TIGD3: variants seen among roughly 807,000 people sequenced by gnomAD.
The protein encoded by TIGD3 is tigger transposable element-derived protein 3.
In TIGD3, 7 loss-of-function variants were observed where a neutral mutation model predicts 14.8. The observed-to-expected ratio is 0.47, with a 90% CI of 0.27 to 0.89. The LOEUF is 0.89. TIGD3 is among the 40% of genes least tolerant of loss of function. TIGD3 has a pLI of 0.13. For synonymous variants in TIGD3, 243 were observed against 269.4 expected (o/e 0.90, Z 0.96); for missense variants, 581 against 611.0 (o/e 0.95, Z 0.52).
Position 65,356,089 on chromosome 11 carries a change from C to T in TIGD3, c.281C>T (p.Ala94Val). 1 of 1,611,642 alleles carries T rather than the reference C, an allele frequency of 6.2e-7. No individual in the cohort carries two copies. Among genetic ancestry groups the T allele is most frequent in the African/African-American group, 1.3e-5 (1 of 75,074 alleles). The change falls in exon 2 of 2, where the codon GCC becomes GTC. Residue 94 changes from alanine to valine, a missense_variant. Ala to Val is a moderately conservative substitution (Grantham distance 64). Coordinates refer to ENST00000309880, the MANE Select transcript of TIGD3 (RefSeq NM_145719.3). The surrounding 1 kb of genome is among the most constrained non-coding windows in gnomAD (Gnocchi z 5.2). ...LCWYHIARAK[A>V]WDVTGPMLLH... ...TGGTACCACATTGCCCGGGCCAAGG[C>T]CTGGGACGTGACGGGGCCCATGCTG...
rs769958748 is a variant in TIGD3 at position 65,357,258 on chromosome 11, C to G, written c.*34C>G. Reference sequence around the variant, plus strand: ...TCACTGCTTGCCAGAGCCCCTTCCTCTCTTGTTTCCCATGGAAACGGCCTC... The same window carrying G: ...TCACTGCTTGCCAGAGCCCCTTCCTGTCTTGTTTCCCATGGAAACGGCCTC... On this transcript the variant is annotated 3_prime_UTR_variant, in exon 2 of 2. Coordinates refer to ENST00000309880, the MANE Select transcript of TIGD3 (RefSeq NM_145719.3). 1 of 1,596,420 alleles carries G rather than the reference C, an allele frequency of 6.3e-7. No homozygotes were observed. Among genetic ancestry groups the G allele is most frequent in the Admixed American group, 1.7e-5 (1 of 57,264 alleles).
chr11:65,356,490 A>G lies in TIGD3; in HGVS notation c.682A>G (p.Ser228Gly), dbSNP rs536474616. 1.9e-6 allele frequency: 3 copies of G among 1,606,724 alleles called. No homozygotes were observed. In the African/African-American group the frequency reaches 4.0e-5, roughly 21 times the overall value. ...AAPRCFFGIRSEALPASYHPD... is the reference protein window; with the variant it reads ...AAPRCFFGIRGEALPASYHPD... ...CCCGAGATGCTTCTTTGGGATCCGC[A>G]GTGAGGCTCTGCCTGCCTCCTACCA... Residue 228 changes from serine to glycine, a missense_variant, in exon 2 of 2, where the codon AGT becomes GGT. Coordinates refer to ENST00000309880, the MANE Select transcript of TIGD3 (RefSeq NM_145719.3). The surrounding 1 kb of genome is among the most constrained non-coding windows in gnomAD (Gnocchi z 5.2).
intron 1 of TIGD3, among the ~76,000 whole-genome samples, chr11:65,355,386 G>T (rs1047182881): frequency 3.3e-5 from 2 of 60,742 alleles, no homozygotes; most frequent in Non-Finnish European, 6.0e-5. Flanking sequence ...TCTGAATCCA[G>T]CCCAAGCCGC....
At position 65,357,260 on chromosome 11, in the gene TIGD3, CTT is replaced by C. The variant is rs766439515; in HGVS notation, c.*37_*38del. On this transcript the variant is annotated 3_prime_UTR_variant, in exon 2 of 2. Coordinates refer to ENST00000309880, the MANE Select transcript of TIGD3 (RefSeq NM_145719.3). ...ACTGCTTGCCAGAGCCCCTTCCTCT[CTT>C]GTTTCCCATGGAAACGGCCTCTTCA... 1.5e-5 allele frequency: 24 copies of C among 1,594,904 alleles called. No homozygotes were observed. The African/African-American group carries it at 1.9e-4, about 13-fold the overall frequency.
Position 65,356,366 on chromosome 11 carries a change from C to T in TIGD3, c.558C>T (p.Pro186=), listed in dbSNP as rs368003412. 9.3e-6 allele frequency: 15 copies of T among 1,611,344 alleles called. No individual in the cohort carries two copies. In the South Asian group the frequency reaches 1.3e-4, roughly 14 times the overall value. The change falls in exon 2 of 2, where the codon CCC becomes CCT. Residue 186 remains proline, a synonymous_variant. Transcript: ENST00000309880. This position sits in a 1 kb window ranked among gnomAD's most constrained non-coding sequence, Gnocchi z 5.2. ...AELPLLYRAV[P]GSFGACDQVQ... ...TGCCCTTGCTGTATCGGGCAGTGCC[C>T]GGCAGCTTTGGTGCATGTGATCAAG... is the stretch of plus-strand genomic sequence containing the variant.
At position 65,356,913 on chromosome 11, in the gene TIGD3, A is replaced by C. The variant is rs770038923; in HGVS notation, c.1105A>C (p.Lys369Gln). Residue 369 changes from lysine to glutamine, a missense_variant, in exon 2 of 2, where the codon AAA becomes CAA. Physicochemically the swap from Lys to Gln is moderately conservative, Grantham distance 53. Transcript: ENST00000309880. This position sits in a 1 kb window ranked among gnomAD's most constrained non-coding sequence, Gnocchi z 5.2. ...CATTCAAGAAGGGCTGGCTCCCGGC[A>C]AAACGCCCCCGTCCTCGCACAAAAC... The part of the protein sequence containing the change: ...SFIQEGLAPG[K>Q]TPPSSHKTSE... The C allele has an allele frequency of 6.2e-7, 1 of 1,614,040 alleles. No individual in the cohort carries two copies. The highest frequency in any genetic ancestry group is 8.5e-7 in the Non-Finnish European group (1 of 1,180,026).
chr11:65,357,422 G>A lies in TIGD3; in HGVS notation c.*198G>A, dbSNP rs1472326464. ...CCCCAGGAAGAGAGCTCTAAAGATG[G>A]GGCTTCGGGGGTAGGAATCCAGGAT... On this transcript the variant is annotated 3_prime_UTR_variant, in exon 2 of 2. Transcript: ENST00000309880. 3.4e-6 allele frequency: 2 copies of A among 583,494 alleles called. No homozygotes were observed. Among genetic ancestry groups the A allele is most frequent in the Admixed American group, 3.3e-5 (1 of 30,376 alleles). 36.1% of individuals were successfully genotyped at this position (583,494 alleles called of 1,614,324 possible).
rs1034235374 is a variant in TIGD3 at position 65,356,616 on chromosome 11, G to A, written c.808G>A (p.Val270Met). The A allele has an allele frequency of 6.2e-7, 1 of 1,611,802 alleles. No homozygotes were observed. Among genetic ancestry groups the A allele is most frequent in the Non-Finnish European group, 8.5e-7 (1 of 1,179,976 alleles). The change falls in exon 2 of 2, where the codon GTG (valine) becomes ATG (methionine). Residue 270 changes from valine to methionine, a missense_variant. By Grantham distance (21) the Val-to-Met change is conservative (BLOSUM62 1). Coordinates refer to ENST00000309880, the MANE Select transcript of TIGD3 (RefSeq NM_145719.3). The surrounding 1 kb of genome is among the most constrained non-coding windows in gnomAD (Gnocchi z 5.2). ...QVALLLAARV[V>M]EELAGLPGLY... ...GGCTTTGCTGCTGGCTGCCCGAGTG[G>A]TGGAGGAGCTGGCAGGCCTGCCTGG...
chr11:65,357,319 A>C lies in TIGD3; in HGVS notation c.*95A>C. On this transcript the variant is annotated 3_prime_UTR_variant, in exon 2 of 2. Transcript: ENST00000309880. ...AGATCGGGCTGTCTCTTTCCTGTGG[A>C]AATAGAACTGTCGTAAAGGTGTAGA... The C allele has an allele frequency of 8.4e-7, 1 of 1,191,732 alleles. No individual in the cohort carries two copies. The highest frequency in any genetic ancestry group is 2.4e-5 in the Admixed American group (1 of 41,460). 73.8% of individuals were successfully genotyped at this position (1,191,732 alleles called of 1,614,324 possible). A position where few individuals can be genotyped will look rare whatever the true frequency, so the allele number is the denominator to read the frequency against.
rs545684343 is a variant in TIGD3 at position 65,357,519 on chromosome 11, G to A, written c.*295G>A. The A allele has an allele frequency of 8.0e-5, 25 of 312,250 alleles. No individual in the cohort carries two copies. In the South Asian group the frequency reaches 1.2e-3, roughly 15 times the overall value. The allele number at this position is 312,250 out of a possible 1,614,324, so 19.3% of individuals were successfully genotyped here. On this transcript the variant is annotated 3_prime_UTR_variant, in exon 2 of 2. Transcript: ENST00000309880. ...GAGTTAGTCTAGAGGCAGCCACTTA[G>A]AAAGGTGGAATTTGGGCTTTTTGGA...
chr11:65,357,005 G>A lies in TIGD3; in HGVS notation c.1197G>A (p.Glu399=), dbSNP rs772720632. The change falls in exon 2 of 2, where the codon GAG becomes GAA. Residue 399 remains glutamate (E), a synonymous_variant. Transcript: ENST00000309880. ...AGTTTTCCCGCTTTGTGGACCTGGA[G>A]GGTGAGGAGCCAAGGTCTGGAGTAT... The part of the protein sequence containing the change: ...LEEFSRFVDL[E]GEEPRSGVCK... 1.2e-6 allele frequency: 2 copies of A among 1,614,174 alleles called. No individual in the cohort carries two copies. The highest frequency in any genetic ancestry group is 4.5e-5 in the East Asian group (2 of 44,884).
chr11:65,357,038 G>A lies in TIGD3; in HGVS notation c.1230G>A (p.Glu410=). 1 of 1,613,980 alleles carries A rather than the reference G, an allele frequency of 6.2e-7. No individual in the cohort carries two copies. Among genetic ancestry groups the A allele is most frequent in the Non-Finnish European group, 8.5e-7 (1 of 1,179,858 alleles). ...AGCCAAGGTCTGGAGTATGTAAGGA[G>A]GAGATAGGCACTGAAGACGAGAAGG... ...GEEPRSGVCK[E]EIGTEDEKGD... Residue 410 remains glutamate (E), a synonymous_variant, in exon 2 of 2, where the codon GAG becomes GAA. Transcript: ENST00000309880.
In TIGD3 at chr11:65,356,536, G is replaced by A; in HGVS notation, c.728G>A (p.Trp243Ter). 2 of 1,607,058 alleles carry A rather than the reference G, an allele frequency of 1.2e-6. No homozygotes were observed. The highest frequency in any genetic ancestry group is 1.7e-6 in the Non-Finnish European group (2 of 1,179,942). The change falls in exon 2 of 2, where the codon TGG (tryptophan) becomes TAG (stop). Residue 243 changes from tryptophan (W) to a stop codon, truncating the protein, a stop_gained. Transcript: ENST00000309880. LOFTEE classifies it low-confidence loss of function (END_TRUNC). The surrounding 1 kb of genome is among the most constrained non-coding windows in gnomAD (Gnocchi z 5.2). The part of the protein sequence containing the change: ...ASYHPDLGIP[W>*]LEWLAQFDRD... ...TACCACCCGGACCTGGGCATCCCCTGGTTAGAGTGGTTGGCACAGTTTGAC... is the reference window on the plus strand; with the variant it reads ...TACCACCCGGACCTGGGCATCCCCTAGTTAGAGTGGTTGGCACAGTTTGAC...
rs1260752475 is a variant in TIGD3, at chr11:65,356,355, C to G, written c.547C>G (p.Arg183Gly). The G allele has an allele frequency of 2.5e-6, 4 of 1,611,838 alleles. No homozygotes were observed. The highest frequency in any genetic ancestry group is 3.4e-6 in the Non-Finnish European group (4 of 1,180,030). Residue 183 changes from arginine (R) to glycine (G), a missense_variant, in exon 2 of 2, where the codon CGG becomes GGG. Arg to Gly is a moderately radical substitution (Grantham distance 125, BLOSUM62 -2). Transcript: ENST00000309880. This position sits in a 1 kb window ranked among gnomAD's most constrained non-coding sequence, Gnocchi z 5.2. ...FGCAELPLLY[R>G]AVPGSFGACD... ...CTGTGCTGAATTGCCCTTGCTGTAT[C>G]GGGCAGTGCCCGGCAGCTTTGGTGC...
rs746527213 is a variant in TIGD3 at position 65,356,789 on chromosome 11, G to T, written c.981G>T (p.Ser327=). The T allele has an allele frequency of 3.1e-6, 5 of 1,612,842 alleles. No homozygotes were observed. Among genetic ancestry groups the T allele is most frequent in the East Asian group, 2.2e-5 (1 of 44,886 alleles). The change falls in exon 2 of 2, where the codon TCG becomes TCT. Residue 327 remains serine, a synonymous_variant. Coordinates refer to ENST00000309880, the MANE Select transcript of TIGD3 (RefSeq NM_145719.3). The surrounding 1 kb of genome is among the most constrained non-coding windows in gnomAD (Gnocchi z 5.2). The part of the protein sequence containing the change: ...AAIQSERDGT[S]LAEAGAGITV... ...TCCAAAGCGAGAGGGATGGCACCTCGCTGGCCGAGGCCGGGGCAGGCATCA... is the reference window on the plus strand; with the variant it reads ...TCCAAAGCGAGAGGGATGGCACCTCTCTGGCCGAGGCCGGGGCAGGCATCA...
rs576687496 is a variant in TIGD3 at position 65,357,508 on chromosome 11, G to A, written c.*284G>A. The A allele has an allele frequency of 2.0e-5, 7 of 351,948 alleles. No individual in the cohort carries two copies. The South Asian group carries it at 2.9e-4, about 15-fold the overall frequency. 21.8% of individuals were successfully genotyped at this position (351,948 alleles called of 1,614,324 possible). On this transcript the variant is annotated 3_prime_UTR_variant, in exon 2 of 2. Coordinates refer to ENST00000309880, the MANE Select transcript of TIGD3 (RefSeq NM_145719.3). ...CCTTTGAAAGGGAGTTAGTCTAGAG[G>A]CAGCCACTTAGAAAGGTGGAATTTG...
chr11:65,355,899 C>T lies in TIGD3; in HGVS notation c.91C>T (p.Gln31Ter), dbSNP rs764565150. 5.6e-6 allele frequency: 9 copies of T among 1,613,832 alleles called. No individual in the cohort carries two copies. Among genetic ancestry groups the T allele is most frequent in the Non-Finnish European group, 7.6e-6 (9 of 1,180,040 alleles). The change falls in exon 2 of 2, where the codon CAG becomes TAG. Residue 31 changes from glutamine to a stop codon, truncating the protein, a stop_gained. Transcript: ENST00000309880. LOFTEE classifies it low-confidence loss of function (END_TRUNC). ...LELLDESKMS[Q>*]SEVARRFQVS... ...ACTCCTGGATGAGTCCAAGATGTCC[C>T]AGTCGGAGGTGGCCCGGCGCTTCCA...
In TIGD3 at chr11:65,356,920, C is replaced by T; in HGVS notation, c.1112C>T (p.Pro371Leu). The part of the protein sequence containing the change: ...IQEGLAPGKT[P>L]PSSHKTSEMP... ...GAAGGGCTGGCTCCCGGCAAAACGC[C>T]CCCGTCCTCGCACAAAACCTCTGAG... The change falls in exon 2 of 2, where the codon CCC (proline) becomes CTC (leucine). Residue 371 changes from proline (P) to leucine (L), a missense_variant. Coordinates refer to ENST00000309880, the MANE Select transcript of TIGD3 (RefSeq NM_145719.3). The surrounding 1 kb of genome is among the most constrained non-coding windows in gnomAD (Gnocchi z 5.2). The T allele has an allele frequency of 6.2e-7, 1 of 1,614,082 alleles. No homozygotes were observed. The highest frequency in any genetic ancestry group is 8.5e-7 in the Non-Finnish European group (1 of 1,180,036).
chr11:65,356,139 G>A lies in TIGD3; in HGVS notation c.331G>A (p.Asp111Asn), dbSNP rs1351367387. The A allele has an allele frequency of 1.2e-6, 2 of 1,611,798 alleles. No individual in the cohort carries two copies. The highest frequency in any genetic ancestry group is 1.7e-6 in the Non-Finnish European group (2 of 1,180,022). ...GCTCCACAAAGCCAAGGAGCTGGCC[G>A]ATATCATGGGCCAGGACTTCGTGCC... is the stretch of plus-strand genomic sequence containing the variant. Reference protein sequence around the residue: ...MLLHKAKELADIMGQDFVPSI... With the variant: ...MLLHKAKELANIMGQDFVPSI... The change falls in exon 2 of 2, where the codon GAT (aspartate) becomes AAT (asparagine). Residue 111 changes from aspartate (D) to asparagine (N), a missense_variant. By Grantham distance (23) the Asp-to-Asn change is conservative. Transcript: ENST00000309880. The surrounding 1 kb of genome is among the most constrained non-coding windows in gnomAD (Gnocchi z 5.2).
Sources: allele counts gnomAD v4.1 joint callset (sites outside exome capture counted in the v4.1 genomes callset), GRCh38; gene constraint gnomAD v4.1.1; non-coding constraint Gnocchi (gnomAD v3.1); transcripts MANE v1.5; gene names NCBI Gene and HGNC (gene_info 2026-07-23, HGNC 2026-07-21).